MSL2: variants seen among roughly 807,000 people sequenced by gnomAD.
MSL2 encodes E3 ubiquitin-protein ligase MSL2.
MSL2 carries 2 observed loss-of-function variants against 35.8 expected under a neutral mutation model. The ratio of observed to expected loss-of-function variants is 0.06; its 90% CI spans 0.02 to 0.18. MSL2 has a LOEUF of 0.18. Ranked by LOEUF, MSL2 falls within the 10% of genes least tolerant of loss-of-function variation. The pLI is 1.00. For synonymous variants in MSL2, 296 were observed against 255.7 expected (o/e 1.16, Z -1.50); for missense variants, 523 against 706.7 (o/e 0.74, Z 2.95).
intron 1 of MSL2, among the ~76,000 whole-genome samples, chr3:136,190,127 T>C (rs1159079748): frequency 3.9e-5 from 6 of 152,088 alleles, no homozygotes; most frequent in African/African-American, 1.4e-4. Flanking sequence ...ATGAGGTCTG[T>C]TATAGCTTAA....
Position 136,180,807 on chromosome 3 carries a change from AG to A in MSL2, c.142+14164del, listed in dbSNP as rs1190799803. Among the ~76,000 whole-genome samples, 34 of 104,532 alleles carry A rather than the reference AG, an allele frequency of 3.3e-4. 1 individual carries two copies. The highest frequency in any genetic ancestry group is 6.0e-4 in the African/African-American group (16 of 26,516). 68.6% of individuals were successfully genotyped at this position (104,532 alleles called of 152,430 possible). A position where few individuals can be genotyped will look rare whatever the true frequency, so the allele number is the denominator to read the frequency against. ...GAGGGAGGGAGGGAGGGAGGGAGGG[AG>A]GGAAGGAGGGAAGGAAGGAAGGAAG... On this transcript the variant is annotated intron_variant, in intron 1 of 1. Transcript: ENST00000309993.
Position 136,177,733 on chromosome 3 carries a change from T to C in MSL2, c.142+17239A>G, listed in dbSNP as rs899537504. Among the ~76,000 whole-genome samples the C allele has an allele frequency of 4.6e-5, 7 of 151,092 alleles. No homozygotes were observed. In the East Asian group the frequency reaches 5.8e-4, roughly 13 times the overall value. The stretch of plus-strand genomic sequence containing the variant: ...CTACAAAGTGTAATATTTTGACCAC[T>C]TGACTGAGTAATTACTTTAACGTTC... On this transcript the variant is annotated intron_variant, in intron 1 of 1. Transcript: ENST00000309993.
intron 1 of MSL2, among the ~76,000 whole-genome samples, chr3:136,186,932 A>C (rs899721399): frequency 2.6e-5 from 4 of 152,192 alleles, no homozygotes; most frequent in Admixed American, 2.6e-4. Flanking sequence ...TATAACACCT[A>C]AACAATATAA....
intron 1 of MSL2, among the ~76,000 whole-genome samples, chr3:136,161,653 G>T (rs1360078936): frequency 6.6e-6 from 1 of 152,164 alleles, no homozygotes; most frequent in African/African-American, 2.4e-5. Flanking sequence ...GCCCAGAAAT[G>T]ATAGGAAAGC....
rs747396367 is a variant in MSL2 at position 136,151,625 on chromosome 3, G to A, written c.1256C>T (p.Ser419Phe). ...AATACCTGGCTTGGTTTTAGAGTGAGATTTCTTGGATCCATGTTCATGACT... is the reference window on the plus strand; with the variant it reads ...AATACCTGGCTTGGTTTTAGAGTGAAATTTCTTGGATCCATGTTCATGACT... ...KKSHEHGSKK[S>F]HSKTKPGILK... The change falls in exon 2 of 2, where the codon TCT becomes TTT. Residue 419 changes from serine to phenylalanine, a missense_variant. Physicochemically the swap from Ser to Phe is radical, Grantham distance 155. Around this residue, in one of 5 missense-constraint regions of MSL2, gnomAD observed 361 missense variants for 414.6 expected, o/e 0.87. Coordinates refer to ENST00000309993, the MANE Select transcript of MSL2 (RefSeq NM_018133.4). The surrounding 1 kb of genome is among the most constrained non-coding windows in gnomAD (Gnocchi z 5.2). 73 of 1,614,000 alleles carry A rather than the reference G, an allele frequency of 4.5e-5. 1 individual carries two copies. Among genetic ancestry groups the A allele is most frequent in the Non-Finnish European group, 3.2e-5 (38 of 1,180,032 alleles).
At chr3:136,184,932 A>T (rs185193701) in intron 1 of MSL2, among the ~76,000 whole-genome samples, 1 of 152,242 alleles carries the variant, frequency 6.6e-6, no homozygotes. Flanking sequence ...AGTGCCTAAA[A>T]ATTTGGATTT....
chr3:136,177,527 A>G (rs1940209922), intron 1 of MSL2, among the ~76,000 whole-genome samples: 2 of 151,758 alleles, frequency 1.3e-5, no homozygotes, highest in Non-Finnish European at 2.9e-5. Context: ...ACAAAAAACA[A>G]AATTAGCCGG....
At chr3:136,186,651 G>A (rs1351521448) in intron 1 of MSL2, among the ~76,000 whole-genome samples, 2 of 152,222 alleles carry the variant, frequency 1.3e-5, no homozygotes, top group East Asian at 3.8e-4. Flanking sequence ...AATGCTTGAT[G>A]ATCTGTCACT....
chr3:136,166,387 C>T (rs1043337366), intron 1 of MSL2, among the ~76,000 whole-genome samples: 10 of 147,186 alleles, frequency 6.8e-5, no homozygotes, highest in African/African-American at 2.5e-4. Context: ...GACTCTATCT[C>T]AAAAAAAAAG....
At chr3:136,159,354 CT>C (rs71157361) in intron 1 of MSL2, among the ~76,000 whole-genome samples, 2,556 of 69,938 alleles carry the variant, frequency 0.037, 10 homozygotes, top group Non-Finnish European at 0.045. Flanking sequence ...AGAGTACTTT[CT>C]TTTTTTTTTT....
At position 136,159,354 on chromosome 3, in the gene MSL2, C is replaced by CTTTTTTTTTTT. The variant is rs71157361; in HGVS notation, c.143-6627_143-6617dup. On this transcript the variant is annotated intron_variant, in intron 1 of 1. Coordinates refer to ENST00000309993, the MANE Select transcript of MSL2 (RefSeq NM_018133.4). ...TTCAATGGGGAAAGGAGAGTACTTT[C>CTTTTTTTTTTT]TTTTTTTTTTTTTTTTTTTTTTTTT... is the stretch of plus-strand genomic sequence containing the variant. Among the ~76,000 whole-genome samples, 21 of 70,064 alleles carry CTTTTTTTTTTT rather than the reference C, an allele frequency of 3.0e-4. 2 individuals are homozygous for CTTTTTTTTTTT. The highest frequency in any genetic ancestry group is 1.2e-3 in the African/African-American group (21 of 18,014). 46.0% of individuals were successfully genotyped at this position (70,064 alleles called of 152,430 possible). A position where few individuals can be genotyped will look rare whatever the true frequency, so the allele number is the denominator to read the frequency against.
chr3:136,153,437 T>G (rs1939430118), intron 1 of MSL2, among the ~76,000 whole-genome samples: 1 of 152,198 alleles, frequency 6.6e-6, no homozygotes. Flanking sequence ...AAAAAATTTT[T>G]TCAACCAGTT....
chr3:136,177,680 T>TAAA (rs397738424), intron 1 of MSL2, among the ~76,000 whole-genome samples: 178 of 77,710 alleles, frequency 2.3e-3, no homozygotes, highest in African/African-American at 5.9e-3. Context: ...CTCCGTCTCA[T>TAAA]AAAAAAAAAA....
At position 136,195,383 on chromosome 3, in the gene MSL2, G is replaced by A; in HGVS notation, c.-270C>T. ...TTCGAGTTCGTCCGGAGCGACCACA[G>A]AGCGCAGAACGCGGCGGCTTGGGCG... On this transcript the variant is annotated 5_prime_UTR_variant, in exon 1 of 2. Coordinates refer to ENST00000309993, the MANE Select transcript of MSL2 (RefSeq NM_018133.4). The A allele has an allele frequency of 4.2e-6, 5 of 1,199,440 alleles. No homozygotes were observed. The highest frequency in any genetic ancestry group is 5.2e-6 in the Non-Finnish European group (5 of 963,626). 74.3% of individuals were successfully genotyped at this position (1,199,440 alleles called of 1,614,324 possible).
intron 1 of MSL2, among the ~76,000 whole-genome samples, chr3:136,185,266 G>A (rs1236942958): frequency 1.3e-5 from 2 of 148,650 alleles, no homozygotes; most frequent in Non-Finnish European, 3.0e-5. Context: ...ATGAGCCACT[G>A]TGCTCAGCCC....
At chr3:136,180,800 G>GGGAAGGAAGGAA (rs1940328786) in intron 1 of MSL2, among the ~76,000 whole-genome samples, 1 of 49,522 alleles carries the variant, frequency 2.0e-5, no homozygotes, top group African/African-American at 9.4e-5. Context: ...GAGGGAGGGA[G>GGGAAGGAAGGAA]GGAGGGAGGG....
chr3:136,165,523 T>C (rs2108071312), intron 1 of MSL2, among the ~76,000 whole-genome samples: 1 of 152,302 alleles, frequency 6.6e-6, no homozygotes, highest in East Asian at 1.9e-4. Flanking sequence ...TCTGGGAAAA[T>C]ATAACTGTTG....
At chr3:136,186,149 T>A (rs2108092093) in intron 1 of MSL2, among the ~76,000 whole-genome samples, 1 of 152,286 alleles carries the variant, frequency 6.6e-6, no homozygotes, top group Admixed American at 6.5e-5. Flanking sequence ...CTTCCTTACT[T>A]CATTTCTGAT....
intron 1 of MSL2, among the ~76,000 whole-genome samples, chr3:136,160,001 G>A (rs1939654371): frequency 6.6e-6 from 1 of 152,090 alleles, no homozygotes; most frequent in Admixed American, 6.5e-5. Context: ...GTCAGGCGAG[G>A]TGGTTCACAC....
Sources: allele counts gnomAD v4.1 joint callset (sites outside exome capture counted in the v4.1 genomes callset), GRCh38; gene constraint gnomAD v4.1.1; regional missense constraint gnomAD v4.1.1; non-coding constraint Gnocchi (gnomAD v3.1); transcripts MANE v1.5; gene names NCBI Gene and HGNC (gene_info 2026-07-23, HGNC 2026-07-21).